Variants in NAT1 observed in about 807,000 individuals in gnomAD.
The protein encoded by NAT1 is N-acetyltransferase 1.
For synonymous variants in NAT1, 144 were observed against 122.6 expected, an observed-to-expected ratio of 1.17 and a Z score of -1.16; for missense variants, 400 against 339.2, an observed-to-expected ratio of 1.18 and a Z score of -1.41.
At chr8:18,184,464 C>T (rs1284748930) in intron 2 of NAT1, among the ~76,000 whole-genome samples, 2 of 152,190 alleles carry the variant, frequency 1.3e-5, no homozygotes, top group Non-Finnish European at 2.9e-5. Context: ...TGGGATCATT[C>T]TCCCACTTTC....
intron 1 of NAT1, among the ~76,000 whole-genome samples, chr8:18,211,859 C>T (rs1804140216): frequency 6.6e-6 from 1 of 152,154 alleles, no homozygotes; most frequent in African/African-American, 2.4e-5. Context: ...GAAAGAAAAG[C>T]CACTCATTGG....
upstream of NAT1, among the ~76,000 whole-genome samples, chr8:18,207,611 A>G (rs972013177): frequency 6.6e-6 from 1 of 152,180 alleles, no homozygotes; most frequent in South Asian, 2.1e-4. Flanking sequence ...AAACATCAAG[A>G]AAAACAGATG....
intron 1 of NAT1, among the ~76,000 whole-genome samples, chr8:18,214,250 T>G (rs564150355): frequency 1.5e-4 from 23 of 152,320 alleles, no homozygotes; most frequent in African/African-American, 5.3e-4. Context: ...CCTCTCTACT[T>G]TTTGGTTTTC....
intron 2 of NAT1, among the ~76,000 whole-genome samples, chr8:18,202,804 G>A (rs1803527343): frequency 6.6e-6 from 1 of 152,110 alleles, no homozygotes; most frequent in African/African-American, 2.4e-5. Context: ...AAGAGTGAAA[G>A]AACAAAGCTT....
chr8:18,209,019 C>T (rs1210683362), upstream of NAT1, among the ~76,000 whole-genome samples: 2 of 152,214 alleles, frequency 1.3e-5, no homozygotes, highest in Non-Finnish European at 1.5e-5. Flanking sequence ...ATAAAGGGTG[C>T]ATCATTGGCA....
intron 2 of NAT1, among the ~76,000 whole-genome samples, chr8:18,204,051 G>A (rs1022593090): frequency 9.9e-5 from 15 of 152,086 alleles, no homozygotes; most frequent in South Asian, 8.3e-4. Context: ...CTATGTAGAC[G>A]TCATACCTGA....
chr8:18,178,214 G>A (rs1802368612), intron 2 of NAT1, among the ~76,000 whole-genome samples: 1 of 152,042 alleles, frequency 6.6e-6, no homozygotes, highest in Non-Finnish European at 1.5e-5. Context: ...AGGAACCTCT[G>A]TTTAGCAACT....
intron 2 of NAT1, among the ~76,000 whole-genome samples, chr8:18,221,201 A>C (rs1349776875): frequency 6.6e-6 from 1 of 151,988 alleles, no homozygotes; most frequent in African/African-American, 2.4e-5. Context: ...TTTCCAGCTT[A>C]AGGCCTTGTT....
intron 2 of NAT1, among the ~76,000 whole-genome samples, chr8:18,193,546 G>A (rs1246889710): frequency 2.1e-5 from 3 of 141,252 alleles, no homozygotes; most frequent in African/African-American, 7.8e-5. Context: ...AAAACATACA[G>A]AACCAGGTCC....
intron 2 of NAT1, among the ~76,000 whole-genome samples, chr8:18,182,271 C>T (rs1802551570): frequency 6.6e-6 from 1 of 152,112 alleles, no homozygotes; most frequent in South Asian, 2.1e-4. Flanking sequence ...AGCTATTTTG[C>T]TCCCCATATT....
chr8:18,202,822 G>A (rs143359947), intron 2 of NAT1, among the ~76,000 whole-genome samples: 1,942 of 152,264 alleles, frequency 0.013, 16 homozygotes, highest in Non-Finnish European at 0.02. Flanking sequence ...CTTCCACAGC[G>A]TGGAAGGGGA....
At position 18,194,941 on chromosome 8, in the gene NAT1, T is replaced by A. The variant is rs1313526810; in HGVS notation, n.93-14840T>A. Among the ~76,000 whole-genome samples the A allele has an allele frequency of 3.9e-5, 6 of 152,272 alleles. No individual in the cohort carries two copies. In the East Asian group the frequency reaches 1.2e-3, roughly 29 times the overall value. ...TGGGAGTAATTGTGCTGGTTTCTGT[T>A]AGATGGATACCTGCATGTTCTCAGA... On this transcript the variant is annotated intron_variant and non_coding_transcript_variant, in intron 2 of 4. Transcript: ENST00000517441.
At chr8:18,191,482 A>G (rs1399054120) in intron 2 of NAT1, among the ~76,000 whole-genome samples, 1 of 152,094 alleles carries the variant, frequency 6.6e-6, no homozygotes, top group Non-Finnish European at 1.5e-5. Flanking sequence ...ACAGAATTGG[A>G]AAAAACTACT....
rs150253789 is a variant in NAT1, at chr8:18,184,425, G to T, written n.92+13686G>T. Among the ~76,000 whole-genome samples the T allele has an allele frequency of 2.5e-4, 38 of 152,182 alleles. No individual in the cohort carries two copies. The East Asian group carries it at 7.0e-3, about 28-fold the overall frequency. On this transcript the variant is annotated intron_variant and non_coding_transcript_variant, in intron 2 of 4. Transcript: ENST00000517441. ...AAAGCTCTGGGCCTGTGATTAGAGG[G>T]GCAGCCTTGAAGACCTCCAAAATGC...
Position 18,219,435 on chromosome 8 carries a change from A to T in NAT1, c.-61A>T. On this transcript the variant is annotated 5_prime_UTR_variant, in exon 2 of 3. Transcript: ENST00000307719. Reference sequence around the variant, plus strand: ...GAATTCAAGCCAGGAAGAAGCAGCAATCTGTCTTCTGGATTAAAACTGAAG... The same window carrying T: ...GAATTCAAGCCAGGAAGAAGCAGCATTCTGTCTTCTGGATTAAAACTGAAG... The T allele has an allele frequency of 6.5e-7, 1 of 1,550,326 alleles. No individual in the cohort carries two copies. The highest frequency in any genetic ancestry group is 8.7e-7 in the Non-Finnish European group (1 of 1,146,328).
chr8:18,206,947 A>T (rs1175493386), upstream of NAT1, among the ~76,000 whole-genome samples: 2 of 152,148 alleles, frequency 1.3e-5, no homozygotes, highest in African/African-American at 4.8e-5. Flanking sequence ...ATCTTTGCCC[A>T]TGTCTATTTC....
At chr8:18,171,161 A>G (rs1802082549) in intron 2 of NAT1, among the ~76,000 whole-genome samples, 1 of 152,218 alleles carries the variant, frequency 6.6e-6, no homozygotes, top group Non-Finnish European at 1.5e-5. Context: ...TGACTGGGTC[A>G]GACAGAACTC....
intron 1 of NAT1, among the ~76,000 whole-genome samples, chr8:18,213,494 G>C (rs1804313118): frequency 6.6e-6 from 1 of 152,082 alleles, no homozygotes; most frequent in Admixed American, 6.5e-5. Flanking sequence ...TAGAAAACTA[G>C]AGACTTCACC....
At chr8:18,199,790 C>A (rs910814194) in intron 2 of NAT1, among the ~76,000 whole-genome samples, 1 of 151,984 alleles carries the variant, frequency 6.6e-6, no homozygotes, top group Non-Finnish European at 1.5e-5. Context: ...TTTCTTTGTG[C>A]ATTTAGGTAA....
Sources: gnomAD v4.1 joint callset for allele counts (sites outside exome capture counted in the v4.1 genomes callset) on GRCh38, gnomAD v4.1.1 for gene constraint, MANE v1.5 for transcripts, NCBI Gene and HGNC (gene_info 2026-07-23, HGNC 2026-07-21) for gene names.